ATXN1: variants seen among roughly 807,000 people sequenced by gnomAD.
ATXN1 encodes ataxin 1.
In ATXN1, 8 loss-of-function variants were observed where a neutral mutation model predicts 56.4. That is an observed-to-expected ratio of 0.14 (90% CI 0.08 to 0.26). The LOEUF (loss-of-function observed/expected upper bound fraction) is 0.26. Ranked by LOEUF, ATXN1 falls within the 10% of genes least tolerant of loss-of-function variation. The pLI is 1.00. For synonymous variants in ATXN1, 514 were observed against 494.6 expected, an observed-to-expected ratio of 1.04 and a Z score of -0.52; for missense variants, 987 against 1,106.5, an observed-to-expected ratio of 0.89 and a Z score of 1.53.
At chr6:16,679,041 A>T in intron 2 of ATXN1, among the ~76,000 whole-genome samples, 1 of 152,192 alleles carries the variant, frequency 6.6e-6, no homozygotes, top group East Asian at 1.9e-4. Context: ...CATCTCAAAA[A>T]AAAAAAAAGA....
chr6:16,476,188 C>T (rs1462161931), intron 6 of ATXN1, among the ~76,000 whole-genome samples: 3 of 152,160 alleles, frequency 2.0e-5, no homozygotes, highest in Non-Finnish European at 4.4e-5. Context: ...TTAACGCCTA[C>T]CCCTGTGATC....
At chr6:16,579,997 C>T (rs1581858518) in intron 4 of ATXN1, among the ~76,000 whole-genome samples, 1 of 152,294 alleles carries the variant, frequency 6.6e-6, no homozygotes, top group African/African-American at 2.4e-5. Context: ...ATACTTCTCA[C>T]TTATTCTGAA....
intron 7 of ATXN1, among the ~76,000 whole-genome samples, chr6:16,318,699 C>G (rs1203750348): frequency 6.6e-5 from 10 of 152,166 alleles, no homozygotes; most frequent in Non-Finnish European, 2.9e-5. Context: ...AAACCCACAC[C>G]CTAGCACCGG....
At chr6:16,514,462 C>A (rs1761141006) in intron 5 of ATXN1, among the ~76,000 whole-genome samples, 1 of 152,120 alleles carries the variant, frequency 6.6e-6, no homozygotes. Context: ...CTAGACTCAG[C>A]AACCACACAT....
intron 4 of ATXN1, among the ~76,000 whole-genome samples, chr6:16,577,492 C>T (rs925268933): frequency 4.0e-5 from 6 of 148,666 alleles, no homozygotes; most frequent in Non-Finnish European, 8.9e-5. Context: ...CCATTGCACT[C>T]CAGCTTGGGC....
intron 6 of ATXN1, among the ~76,000 whole-genome samples, chr6:16,444,817 T>C (rs1479224343): frequency 1.3e-5 from 2 of 152,162 alleles, no homozygotes; most frequent in Admixed American, 6.5e-5. Context: ...CCACCAACCA[T>C]TACCTCCTGA....
intron 6 of ATXN1, among the ~76,000 whole-genome samples, chr6:16,338,284 G>A (rs1761169627): frequency 6.6e-6 from 1 of 151,964 alleles, no homozygotes; most frequent in African/African-American, 2.4e-5. Flanking sequence ...GCGAGGTCAG[G>A]AGATTGAGAC....
chr6:16,730,057 C>T (rs1759933874), intron 2 of ATXN1, among the ~76,000 whole-genome samples: 1 of 152,180 alleles, frequency 6.6e-6, no homozygotes, highest in African/African-American at 2.4e-5. Context: ...CTGAGGCAGG[C>T]AGATCACTTG....
chr6:16,426,667 G>A (rs768900302), intron 6 of ATXN1, among the ~76,000 whole-genome samples: 2 of 151,800 alleles, frequency 1.3e-5, no homozygotes, highest in African/African-American at 2.4e-5. Flanking sequence ...GACACTGGCA[G>A]CAAAATCTCT....
At chr6:16,686,890 T>C (rs1758930146) in intron 2 of ATXN1, among the ~76,000 whole-genome samples, 1 of 152,214 alleles carries the variant, frequency 6.6e-6, no homozygotes, top group Non-Finnish European at 1.5e-5. Flanking sequence ...CAAAATTATT[T>C]AACTTTATAA....
In ATXN1 at chr6:16,730,487, G is replaced by GTGTGTA. The variant is rs141836403; in HGVS notation, c.-615+22745_-615+22746insTACACA. On this transcript the variant is annotated intron_variant, in intron 2 of 7. Transcript: ENST00000436367. ...CTGGAGTTAAAGGGTAAAACAGTAT[G>GTGTGTA]TATATATATATATATATATAAATGT... 1.5e-3 allele frequency among the ~76,000 whole-genome samples: 203 copies of GTGTGTA among 132,056 alleles called. 2 individuals carry two copies. The highest frequency in any genetic ancestry group is 5.2e-3 in the African/African-American group (193 of 37,278). The allele number at this position is 132,056 out of a possible 152,430, so 86.6% of individuals were successfully genotyped here.
At chr6:16,309,258 ATAATAAT>A (rs1760331663) in intron 7 of ATXN1, among the ~76,000 whole-genome samples, 1 of 149,644 alleles carries the variant, frequency 6.7e-6, no homozygotes, top group African/African-American at 2.4e-5. Flanking sequence ...AATAATAATA[ATAATAAT>A]TAATTAATTA....
chr6:16,343,054 G>C (rs556296338), intron 6 of ATXN1, among the ~76,000 whole-genome samples: 2 of 152,254 alleles, frequency 1.3e-5, no homozygotes, highest in South Asian at 2.1e-4. Flanking sequence ...TTAAAAATAA[G>C]TATGTCATGG....
intron 6 of ATXN1, among the ~76,000 whole-genome samples, chr6:16,456,654 C>T (rs1759881977): frequency 6.6e-6 from 1 of 152,176 alleles, no homozygotes; most frequent in Admixed American, 6.5e-5. Context: ...CTATCCTGAC[C>T]CTTGCCTCCT....
intron 6 of ATXN1, among the ~76,000 whole-genome samples, chr6:16,482,264 T>C (rs990606899): frequency 6.6e-6 from 1 of 152,170 alleles, no homozygotes; most frequent in Non-Finnish European, 1.5e-5. Flanking sequence ...CTGCCCATTA[T>C]GGGAACAAGC....
intron 6 of ATXN1, among the ~76,000 whole-genome samples, chr6:16,427,689 A>G (rs1010427963): frequency 6.6e-6 from 1 of 152,190 alleles, no homozygotes; most frequent in African/African-American, 2.4e-5. Context: ...GAGCTCTAGA[A>G]GCCAGGATGG....
intron 1 of ATXN1, among the ~76,000 whole-genome samples, chr6:16,754,300 G>A (rs557341379): frequency 1.3e-5 from 2 of 152,282 alleles, no homozygotes; most frequent in African/African-American, 4.8e-5. Context: ...TTTGATTACT[G>A]GAGCTGATCT....
chr6:16,588,255 C>T (rs1762664371), intron 3 of ATXN1, among the ~76,000 whole-genome samples: 1 of 152,236 alleles, frequency 6.6e-6, no homozygotes. Context: ...CCCTGCCACC[C>T]TACTACCTTC....
At chr6:16,440,056 C>A (rs747000990) in intron 6 of ATXN1, among the ~76,000 whole-genome samples, 1 of 139,356 alleles carries the variant, frequency 7.2e-6, no homozygotes, top group Non-Finnish European at 1.5e-5. Context: ...GCCTGGGGGA[C>A]AAGAGCAAGA....
Sources: allele counts gnomAD v4.1 joint callset (sites outside exome capture counted in the v4.1 genomes callset), GRCh38; gene constraint gnomAD v4.1.1; transcripts MANE v1.5; gene names NCBI Gene and HGNC (gene_info 2026-07-23, HGNC 2026-07-21).